Variants in HYDIN observed in about 807,000 individuals in gnomAD.
The protein encoded by HYDIN is HYDIN axonemal central pair apparatus protein.
In HYDIN, 132 loss-of-function variants were observed where a neutral mutation model predicts 403.9. The observed-to-expected ratio is 0.33, with a 90% CI of 0.28 to 0.38. HYDIN has a LOEUF of 0.38. Among genes scored for constraint, HYDIN ranks in the 10% least tolerant of loss-of-function variants. The pLI, the probability that HYDIN is intolerant of heterozygous loss-of-function variation, is 1.00. For missense variants in HYDIN, 2,827 were observed against 5,009.5 expected (o/e 0.56, Z 13.15); for synonymous variants, 1,202 against 1,891.7 (o/e 0.64, Z 9.46).
chr16:70,984,748 G>A (rs144462658), intron 28 of HYDIN, among the ~76,000 whole-genome samples: 8 of 144,052 alleles, frequency 5.6e-5, no homozygotes, highest in Non-Finnish European at 1.2e-4. Flanking sequence ...CTTAAAACTG[G>A]TAGATCAACA....
intron 18 of HYDIN, among the ~76,000 whole-genome samples, chr16:71,047,248 G>C (rs2081479586): frequency 6.6e-6 from 1 of 151,954 alleles, no homozygotes; most frequent in Non-Finnish European, 1.5e-5. Flanking sequence ...ATTATTCTCA[G>C]ATGAATCATA....
rs2036488917 is a variant in HYDIN, at chr16:70,824,828, T to A, written c.14427+2433A>T. ...ATTTTGTATTTATTTTCAGATAGAA[T>A]TTGTGCATATGGGTGGGTTACTTTT... is the stretch of plus-strand genomic sequence containing the variant. On this transcript the variant is annotated intron_variant, in intron 83 of 85. Coordinates refer to ENST00000393567, the MANE Select transcript of HYDIN (RefSeq NM_001270974.2). 2.0e-5 allele frequency among the ~76,000 whole-genome samples: 3 copies of A among 152,148 alleles called. No homozygotes were observed. In the South Asian group the frequency reaches 6.2e-4, roughly 32 times the overall value.
At chr16:71,176,551 G>C (rs146647236) in intron 4 of HYDIN, among the ~76,000 whole-genome samples, 10 of 152,146 alleles carry the variant, frequency 6.6e-5, no homozygotes, top group Non-Finnish European at 1.3e-4. Flanking sequence ...CAGTAGTACA[G>C]CTCCACCAAG....
chr16:70,854,545 G>A (rs2038894562), intron 73 of HYDIN, among the ~76,000 whole-genome samples: 1 of 151,636 alleles, frequency 6.6e-6, no homozygotes, highest in Non-Finnish European at 1.5e-5. Context: ...CTCTCGAGTA[G>A]CTGGGATTAC....
chr16:70,866,462 C>G, intron 66 of HYDIN, 133 bp from the exon 67 acceptor site: 1 of 697,986 alleles, frequency 1.4e-6, no homozygotes, highest in Non-Finnish European at 2.3e-6. Context: ...ACAATAAAGT[C>G]CTGGTGGATC....
intron 1 of HYDIN, among the ~76,000 whole-genome samples, chr16:71,198,399 A>C (rs1439068774): frequency 6.6e-6 from 1 of 152,160 alleles, no homozygotes; most frequent in Admixed American, 6.6e-5. Flanking sequence ...TAGATCATAG[A>C]GTATGTGCAG....
At chr16:71,139,361 G>C (rs945278103) in intron 7 of HYDIN, among the ~76,000 whole-genome samples, 1 of 152,034 alleles carries the variant, frequency 6.6e-6, no homozygotes, top group Admixed American at 6.5e-5. Flanking sequence ...ATGATGCAAT[G>C]CAAGGAAATA....
At chr16:70,981,958 C>A (rs1487220477) in intron 28 of HYDIN, among the ~76,000 whole-genome samples, 1 of 151,870 alleles carries the variant, frequency 6.6e-6, no homozygotes, top group Non-Finnish European at 1.5e-5. Flanking sequence ...AAAACCCCGT[C>A]TCTGCTAAAA....
chr16:70,951,250 G>GAA (rs1361262464), intron 41 of HYDIN, among the ~76,000 whole-genome samples: 1 of 130,744 alleles, frequency 7.6e-6, no homozygotes, highest in Non-Finnish European at 1.6e-5. Flanking sequence ...AAAAGGGACA[G>GAA]AGAGAGAGAG....
intron 5 of HYDIN, among the ~76,000 whole-genome samples, chr16:71,163,788 C>G (rs1479641344): frequency 6.6e-6 from 1 of 152,226 alleles, no homozygotes; most frequent in East Asian, 1.9e-4. Flanking sequence ...AGAAAAACCA[C>G]CCAGCTGAAC....
chr16:71,041,005 T>G (rs2081270723), intron 18 of HYDIN, among the ~76,000 whole-genome samples: 1 of 151,476 alleles, frequency 6.6e-6, no homozygotes, highest in African/African-American at 2.4e-5. Context: ...TTTGTATATT[T>G]GTTTCTTTTA....
chr16:71,178,547 T>A (rs1242891527), intron 4 of HYDIN, among the ~76,000 whole-genome samples: 1 of 151,108 alleles, frequency 6.6e-6, no homozygotes, highest in Admixed American at 6.6e-5. Flanking sequence ...AGGGTTTATA[T>A]CTTGAATTGG....
At chr16:70,832,562 A>G (rs1268414193) in intron 80 of HYDIN, among the ~76,000 whole-genome samples, 1 of 152,262 alleles carries the variant, frequency 6.6e-6, no homozygotes, top group African/African-American at 2.4e-5. Context: ...TAAACCATAG[A>G]AAAGGAGAAA....
chr16:71,179,613 A>G (rs1597963861), intron 3 of HYDIN, among the ~76,000 whole-genome samples: 1 of 152,234 alleles, frequency 6.6e-6, no homozygotes, highest in East Asian at 1.9e-4. Flanking sequence ...ACAAATAACT[A>G]GCTTACTAAT....
chr16:71,217,217 G>T (rs1419114444), intron 1 of HYDIN, among the ~76,000 whole-genome samples: 2 of 152,040 alleles, frequency 1.3e-5, no homozygotes, highest in Non-Finnish European at 2.9e-5. Flanking sequence ...ACAACTATTG[G>T]CAAAAATGAT....
intron 80 of HYDIN, among the ~76,000 whole-genome samples, chr16:70,831,478 C>T (rs7195664): frequency 0.03 from 4,118 of 136,866 alleles, 199 homozygotes; most frequent in African/African-American, 0.11. Flanking sequence ...CACTGCACTC[C>T]AGCCTGGGGA....
At chr16:71,107,573 G>A (rs1432138451) in intron 10 of HYDIN, among the ~76,000 whole-genome samples, 1 of 152,094 alleles carries the variant, frequency 6.6e-6, no homozygotes, top group Non-Finnish European at 1.5e-5. Flanking sequence ...ATGAAAAAAA[G>A]CTCAATATCA....
chr16:71,085,685 C>T (rs2082911707), intron 12 of HYDIN, among the ~76,000 whole-genome samples: 1 of 152,130 alleles, frequency 6.6e-6, no homozygotes. Flanking sequence ...GATGAACTCA[C>T]TATCTTATCA....
At chr16:70,809,092 T>C (rs1329075356) in intron 85 of HYDIN, among the ~76,000 whole-genome samples, 2 of 152,220 alleles carry the variant, frequency 1.3e-5, no homozygotes, top group African/African-American at 4.8e-5. Context: ...ATTTTATGTT[T>C]TTAAATAGAG....
Sources: allele counts gnomAD v4.1 joint callset (sites outside exome capture counted in the v4.1 genomes callset), GRCh38; gene constraint gnomAD v4.1.1; transcripts MANE v1.5; gene names NCBI Gene and HGNC (gene_info 2026-07-23, HGNC 2026-07-21).